PDE1C: variants seen among roughly 807,000 people sequenced by gnomAD.
PDE1C encodes phosphodiesterase 1C, also known as dual specificity calcium/calmodulin-dependent 3',5'-cyclic nucleotide phosphodiesterase 1C.
In PDE1C, 62 loss-of-function variants were observed where a neutral mutation model predicts 93.1. The ratio of observed to expected loss-of-function variants is 0.67; its 90% CI spans 0.54 to 0.82. PDE1C has a LOEUF of 0.82. Among genes scored for constraint, PDE1C ranks in the 40% least tolerant of loss-of-function variants. PDE1C has a pLI of 0.00. For synonymous variants in PDE1C, 325 were observed against 310.1 expected, an observed-to-expected ratio of 1.05 and a Z score of -0.50; for missense variants, 742 against 884.6, an observed-to-expected ratio of 0.84 and a Z score of 2.04.
chr7:32,115,861 G>A (rs1379229236), intron 3 of PDE1C, among the ~76,000 whole-genome samples: 1 of 152,118 alleles, frequency 6.6e-6, no homozygotes, highest in African/African-American at 2.4e-5. Flanking sequence ...TGTCATCAGA[G>A]GCAAGAATTC....
rs1227503901 is a variant in PDE1C, at chr7:31,752,638, T to C, written c.*746A>G. ...TTGTATCATCTACTGTGGGTAGAAG[T>C]AAAAGATTAGAGGAAAATGAAGCCA... On this transcript the variant is annotated 3_prime_UTR_variant, in exon 18 of 18. Coordinates refer to ENST00000396191, the MANE Select transcript of PDE1C (RefSeq NM_001191057.4). 1.3e-5 allele frequency: 2 copies of C among 152,202 alleles called. No homozygotes were observed. Among genetic ancestry groups the C allele is most frequent in the African/African-American group, 2.4e-5 (1 of 41,464 alleles). 9.4% of individuals were successfully genotyped at this position (152,202 alleles called of 1,614,324 possible).
intron 1 of PDE1C, among the ~76,000 whole-genome samples, chr7:32,230,314 G>A (rs1018733846): frequency 1.3e-5 from 2 of 152,096 alleles, no homozygotes; most frequent in Non-Finnish European, 2.9e-5. Context: ...GGAGGAAATC[G>A]AGCACTTAAT....
At chr7:32,128,980 T>G (rs1278221720) in intron 3 of PDE1C, among the ~76,000 whole-genome samples, 5 of 84,978 alleles carry the variant, frequency 5.9e-5, no homozygotes, top group Admixed American at 4.3e-4. Flanking sequence ...AAACAGAAAA[T>G]GAGAAACAAC....
At chr7:32,382,032 G>A (rs1784545520) in intron 1 of PDE1C, among the ~76,000 whole-genome samples, 1 of 152,172 alleles carries the variant, frequency 6.6e-6, no homozygotes, top group Non-Finnish European at 1.5e-5. Flanking sequence ...CAAGTGATAT[G>A]ATTATCATTT....
intron 2 of PDE1C, among the ~76,000 whole-genome samples, chr7:32,013,360 T>C (rs1276891672): frequency 6.6e-6 from 1 of 152,202 alleles, no homozygotes. Context: ...AACATAAATT[T>C]TCTCAGCAAG....
In PDE1C at chr7:32,370,031, C is replaced by T. The variant is rs578252249; in HGVS notation, c.310+57791G>A. The stretch of plus-strand genomic sequence containing the variant: ...ATGCTACTATAAAGATACATGCACA[C>T]GTATGTTTATTGTGGCATTATTCAC... On this transcript the variant is annotated intron_variant, in intron 1 of 1. Transcript: ENST00000672256. Among the ~76,000 whole-genome samples, 123 of 152,140 alleles carry T rather than the reference C, an allele frequency of 8.1e-4. 1 individual carries two copies. Among genetic ancestry groups the T allele is most frequent in the Admixed American group, 4.4e-3 (67 of 15,274 alleles).
intron 1 of PDE1C, among the ~76,000 whole-genome samples, chr7:32,261,228 T>C (rs1562628770): frequency 6.6e-6 from 1 of 152,004 alleles, no homozygotes; most frequent in Admixed American, 6.6e-5. Context: ...CTAAGATCAG[T>C]GCTTGAGATA....
At chr7:31,686,122 G>A in the PDE1C span, among the ~76,000 whole-genome samples, 1 of 152,212 alleles carries the variant, frequency 6.6e-6, no homozygotes, top group Non-Finnish European at 1.5e-5. Flanking sequence ...ATGGATGTGT[G>A]GATGGTGCTC....
In PDE1C at chr7:31,753,087, G is replaced by T; in HGVS notation, c.*297C>A. 5.0e-6 allele frequency: 1 copy of T among 199,200 alleles called. No homozygotes were observed. The highest frequency in any genetic ancestry group is 1.0e-5 in the Non-Finnish European group (1 of 99,538). The allele number at this position is 199,200 out of a possible 1,614,324, so 12.3% of individuals were successfully genotyped here. On this transcript the variant is annotated 3_prime_UTR_variant, in exon 18 of 18. Transcript: ENST00000396191. ...GAATTTTATTTTTTTTTAAGTTTGT[G>T]TCATTTTAATTTTGGTCCAATTTAG...
intron 2 of PDE1C, among the ~76,000 whole-genome samples, chr7:31,933,755 G>A (rs1391990605): frequency 6.6e-6 from 1 of 152,168 alleles, no homozygotes; most frequent in African/African-American, 2.4e-5. Flanking sequence ...GTTTAAAAGT[G>A]TGTGGCACCT....
chr7:31,648,971 A>G, the PDE1C span, among the ~76,000 whole-genome samples: 2 of 152,238 alleles, frequency 1.3e-5, no homozygotes, highest in Non-Finnish European at 2.9e-5. Flanking sequence ...ATGGTCTACA[A>G]GATCTTTTCT....
At chr7:31,758,185 C>G (rs893507249) in intron 17 of PDE1C, among the ~76,000 whole-genome samples, 2 of 152,090 alleles carry the variant, frequency 1.3e-5, no homozygotes, top group Non-Finnish European at 2.9e-5. Flanking sequence ...TTAGGAGATA[C>G]ACCTAATGTA....
In PDE1C at chr7:31,828,292, C is replaced by G; in HGVS notation, c.1285G>C (p.Gly429Arg). ...TATCCAAAGAGCTGCAAACACGTAC[C>G]TACTTGTGACTGAGCAACCATAGTG... ...KSTMVAQSQV[G>R]FIDFIVEPTF... Residue 429 changes from glycine (G) to arginine (R), a missense_variant and splice_region_variant, in exon 12 of 18, where the codon GGT (glycine) becomes CGT (arginine). Coordinates refer to ENST00000396191, the MANE Select transcript of PDE1C (RefSeq NM_001191057.4). 1.9e-6 allele frequency: 3 copies of G among 1,611,210 alleles called. No homozygotes were observed. The highest frequency in any genetic ancestry group is 1.7e-6 in the Non-Finnish European group (2 of 1,177,826).
intron 1 of PDE1C, among the ~76,000 whole-genome samples, chr7:32,348,094 C>T (rs764922135): frequency 4.6e-5 from 7 of 152,108 alleles, no homozygotes; most frequent in African/African-American, 9.7e-5. Context: ...GTGTGGCAAC[C>T]GTTGTTTACT....
intron 1 of PDE1C, among the ~76,000 whole-genome samples, chr7:32,426,536 A>T (rs1785538711): frequency 6.6e-6 from 1 of 152,070 alleles, no homozygotes. Flanking sequence ...AAGGGCTGGG[A>T]TCACTGCACC....
the PDE1C span, among the ~76,000 whole-genome samples, chr7:31,625,345 C>T: frequency 1.3e-5 from 2 of 151,894 alleles, no homozygotes; most frequent in Non-Finnish European, 1.5e-5. Context: ...CGGCACTATT[C>T]ACAATAGCAA....
At chr7:31,837,731 C>A in intron 10 of PDE1C, 139 bp downstream of exon 10, 1 of 598,756 alleles carries the variant, frequency 1.7e-6, no homozygotes, top group Non-Finnish European at 3.0e-6. Flanking sequence ...TTTATGCTTT[C>A]TCCTTCAAAC....
intron 2 of PDE1C, among the ~76,000 whole-genome samples, chr7:31,945,366 G>A (rs13242518): frequency 0.13 from 19,129 of 152,076 alleles, 1,539 homozygotes; most frequent in South Asian, 0.18. Flanking sequence ...TCTCCAACCT[G>A]TATCATTGTT....
At chr7:31,744,820 C>T in the PDE1C span, among the ~76,000 whole-genome samples, 2 of 152,154 alleles carry the variant, frequency 1.3e-5, no homozygotes, top group African/African-American at 4.8e-5. Context: ...ATTCGGGAAA[C>T]TGCAGTACTT....
Sources: gnomAD v4.1 joint callset for allele counts (sites outside exome capture counted in the v4.1 genomes callset) on GRCh38, gnomAD v4.1.1 for gene constraint, MANE v1.5 for transcripts, NCBI Gene and HGNC (gene_info 2026-07-23, HGNC 2026-07-21) for gene names.